CPS1: variants seen among roughly 807,000 people sequenced by gnomAD.
CPS1 encodes carbamoyl-phosphate synthase 1.
CPS1 carries 109 observed loss-of-function variants against 174.6 expected under a neutral mutation model. The observed-to-expected ratio is 0.62, with a 90% CI of 0.53 to 0.73. The LOEUF (loss-of-function observed/expected upper bound fraction) is 0.73. Among genes scored for constraint, CPS1 ranks in the 30% least tolerant of loss-of-function variants. The pLI, the probability that CPS1 is intolerant of heterozygous loss-of-function variation, is 0.00. For missense variants in CPS1, 1,689 were observed against 1,821.9 expected (o/e 0.93, Z 1.33); for synonymous variants, 637 against 632.0 (o/e 1.01, Z -0.12).
intron 1 of CPS1, among the ~76,000 whole-genome samples, chr2:210,481,705 G>A (rs375413980): frequency 3.9e-5 from 6 of 152,234 alleles, no homozygotes; most frequent in Admixed American, 3.9e-4. Flanking sequence ...TTGCCTAGTA[G>A]CCACGTTATT....
At chr2:210,516,266 C>T (rs1267830314) in intron 1 of CPS1, among the ~76,000 whole-genome samples, 3 of 151,756 alleles carry the variant, frequency 2.0e-5, no homozygotes, top group South Asian at 2.1e-4. Flanking sequence ...TTTTCTGCCT[C>T]AATGATCTGT....
At chr2:210,632,674 T>C (rs565466386) in intron 21 of CPS1, among the ~76,000 whole-genome samples, 1 of 152,272 alleles carries the variant, frequency 6.6e-6, no homozygotes, top group South Asian at 2.1e-4. Flanking sequence ...ATGGCCCTGG[T>C]GGGTCAGTAT....
intron 1 of CPS1, among the ~76,000 whole-genome samples, chr2:210,486,082 GTATA>G (rs1306139886): frequency 7.3e-6 from 1 of 137,898 alleles, no homozygotes; most frequent in Non-Finnish European, 1.5e-5. Flanking sequence ...ATATATATGT[GTATA>G]TATATACATA....
rs570731350 is a variant in CPS1, at chr2:210,576,897, T to C, written c.381+407T>C. 7.9e-5 allele frequency among the ~76,000 whole-genome samples: 12 copies of C among 152,258 alleles called. No homozygotes were observed. In the South Asian group the frequency reaches 2.1e-3, roughly 26 times the overall value. On this transcript the variant is annotated intron_variant, in intron 3 of 37. Transcript: ENST00000233072. ...TTATGCCAGTCTAAAAGTAAACATA[T>C]TAAGATTTCCTAAACAAGGTAATTT...
At chr2:210,567,590 G>C (rs1241956664) in intron 1 of CPS1, among the ~76,000 whole-genome samples, 1 of 152,066 alleles carries the variant, frequency 6.6e-6, no homozygotes. Flanking sequence ...TAGTGATGGA[G>C]GATTAGATTT....
At chr2:210,666,567 C>T (rs1483617252) in intron 33 of CPS1, among the ~76,000 whole-genome samples, 1 of 152,170 alleles carries the variant, frequency 6.6e-6, no homozygotes, top group Admixed American at 6.5e-5. Context: ...TTCCCAGCAC[C>T]ATTTATTAAA....
chr2:210,561,593 G>T (rs984648075), intron 1 of CPS1, among the ~76,000 whole-genome samples: 1 of 152,166 alleles, frequency 6.6e-6, no homozygotes, highest in Non-Finnish European at 1.5e-5. Context: ...GGGCATGCTA[G>T]AATTCACTTC....
chr2:210,487,644 C>G (rs1694764704), intron 1 of CPS1, among the ~76,000 whole-genome samples: 1 of 151,860 alleles, frequency 6.6e-6, no homozygotes, highest in South Asian at 2.1e-4. Flanking sequence ...ACTTGATGTC[C>G]TTATGTTTAA....
chr2:210,489,227 T>C (rs1694803668), intron 1 of CPS1, among the ~76,000 whole-genome samples: 1 of 152,210 alleles, frequency 6.6e-6, no homozygotes, highest in Non-Finnish European at 1.5e-5. Flanking sequence ...TTGCAGAATT[T>C]AAAGAGAAAA....
intron 30 of CPS1, 148 bp from the exon 31 acceptor site, chr2:210,658,451 C>T: frequency 7.8e-6 from 5 of 643,544 alleles, no homozygotes; most frequent in South Asian, 5.1e-5. Flanking sequence ...CTAATAGTGC[C>T]CTCCATTATA....
chr2:210,662,739 T>C (rs775164357), intron 32 of CPS1, among the ~76,000 whole-genome samples: 11 of 152,254 alleles, frequency 7.2e-5, no homozygotes, highest in Non-Finnish European at 1.6e-4. Flanking sequence ...GAGGAATGTT[T>C]CCAAAGCCTA....
intron 19 of CPS1, among the ~76,000 whole-genome samples, chr2:210,611,315 GA>G (rs1699111289): frequency 6.6e-6 from 1 of 151,924 alleles, no homozygotes; most frequent in African/African-American, 2.4e-5. Flanking sequence ...AAAGTTTACT[GA>G]AAATAGCATT....
At chr2:210,615,481 C>T (rs1289873045) in intron 20 of CPS1, among the ~76,000 whole-genome samples, 1 of 151,846 alleles carries the variant, frequency 6.6e-6, no homozygotes, top group Non-Finnish European at 1.5e-5. Flanking sequence ...TGAAATATAC[C>T]AGCAGAGTTA....
intron 16 of CPS1, among the ~76,000 whole-genome samples, chr2:210,604,187 G>A (rs75935763): frequency 3.2e-3 from 487 of 151,774 alleles, no homozygotes; most frequent in Non-Finnish European, 5.0e-3. Flanking sequence ...TCATTTGCAC[G>A]TGCTGGAGCC....
chr2:210,670,636 T>C (rs1701269734), intron 34 of CPS1, among the ~76,000 whole-genome samples: 1 of 152,162 alleles, frequency 6.6e-6, no homozygotes, highest in Non-Finnish European at 1.5e-5. Context: ...CAAAAAAGAC[T>C]GCTAATATAT....
At chr2:210,540,638 A>T (rs1267013561) in intron 1 of CPS1, among the ~76,000 whole-genome samples, 1 of 152,200 alleles carries the variant, frequency 6.6e-6, no homozygotes, top group African/African-American at 2.4e-5. Context: ...GCAAACCTCC[A>T]TAGTAGGTGT....
chr2:210,616,595 G>T (rs1333261357), intron 21 of CPS1, 54 bp downstream of exon 21: 3 of 1,045,950 alleles, frequency 2.9e-6, no homozygotes, highest in Non-Finnish European at 4.5e-6. Flanking sequence ...AATTTTTAAA[G>T]AGTCTTCTTC....
At chr2:210,593,176 C>T (rs189160344) in intron 11 of CPS1, among the ~76,000 whole-genome samples, 2 of 151,872 alleles carry the variant, frequency 1.3e-5, no homozygotes, top group South Asian at 2.1e-4. Flanking sequence ...TTAAGAAACC[C>T]GAAGCGATGG....
chr2:210,516,361 C>G (rs1035403233), intron 1 of CPS1, among the ~76,000 whole-genome samples: 1 of 151,744 alleles, frequency 6.6e-6, no homozygotes, highest in African/African-American at 2.4e-5. Context: ...CCACCTCATC[C>G]AATTGATTCA....
Sources: gnomAD v4.1 joint callset for allele counts (sites outside exome capture counted in the v4.1 genomes callset) on GRCh38, gnomAD v4.1.1 for gene constraint, MANE v1.5 for transcripts, NCBI Gene and HGNC (gene_info 2026-07-23, HGNC 2026-07-21) for gene names.